Variants in SMYD3 observed in about 807,000 individuals in gnomAD.
SMYD3 encodes the protein SET and MYND domain containing 3.
A neutral mutation model predicts 57.7 loss-of-function variants in SMYD3; 36 were observed. That is an observed-to-expected ratio of 0.62 (90% CI 0.48 to 0.82). The LOEUF is 0.82. SMYD3 is among the 40% of genes least tolerant of loss of function. The pLI, the probability that SMYD3 is intolerant of heterozygous loss-of-function variation, is 0.00. For synonymous variants in SMYD3, 211 were observed against 195.0 expected (o/e 1.08, Z -0.68); for missense variants, 515 against 538.8 (o/e 0.96, Z 0.44).
chr1:246,286,522 T>C (rs1190440205), intron 5 of SMYD3, among the ~76,000 whole-genome samples: 1 of 152,214 alleles, frequency 6.6e-6, no homozygotes, highest in East Asian at 1.9e-4. Context: ...ATTAGTTCTG[T>C]ACTCAAACTC....
At chr1:245,939,305 A>C (rs867408146) in intron 5 of SMYD3, among the ~76,000 whole-genome samples, 10 of 152,210 alleles carry the variant, frequency 6.6e-5, no homozygotes, top group South Asian at 2.1e-4. Context: ...CTCTTGACTA[A>C]GAAAGCATTA....
intron 5 of SMYD3, among the ~76,000 whole-genome samples, chr1:246,037,380 C>G (rs1572926185): frequency 1.3e-5 from 2 of 152,134 alleles, no homozygotes; most frequent in South Asian, 4.1e-4. Context: ...AGCTGAGGAG[C>G]TTTTCATCTG....
chr1:245,850,881 G>A (rs941547682), intron 10 of SMYD3, among the ~76,000 whole-genome samples: 10 of 152,056 alleles, frequency 6.6e-5, no homozygotes, highest in African/African-American at 2.4e-4. Flanking sequence ...CCAGCTTTAC[G>A]CCAGTCACTC....
At chr1:245,918,365 T>G (rs918792971) in intron 7 of SMYD3, among the ~76,000 whole-genome samples, 1 of 152,198 alleles carries the variant, frequency 6.6e-6, no homozygotes, top group Middle Eastern at 3.2e-3. Flanking sequence ...CTTCTCATAC[T>G]TGGCAGGGAG....
chr1:246,147,795 G>A (rs1275187109), intron 5 of SMYD3, among the ~76,000 whole-genome samples: 2 of 152,226 alleles, frequency 1.3e-5, no homozygotes, highest in East Asian at 1.9e-4. Context: ...AATCGAGCAG[G>A]CAGGAGCCAG....
At chr1:245,968,091 G>A (rs1389457067) in intron 5 of SMYD3, among the ~76,000 whole-genome samples, 1 of 152,026 alleles carries the variant, frequency 6.6e-6, no homozygotes, top group Admixed American at 6.6e-5. Flanking sequence ...TTCTCTACTC[G>A]CTGACAGTTT....
chr1:246,498,730 CAAA>C (rs1247516323), intron 1 of SMYD3, among the ~76,000 whole-genome samples: 5 of 68,068 alleles, frequency 7.3e-5, no homozygotes, highest in Admixed American at 3.3e-4. Context: ...GACTCCGTCT[CAAA>C]AAAAAAAAAA....
At chr1:246,384,828 G>A (rs1270076695) in intron 1 of SMYD3, among the ~76,000 whole-genome samples, 1 of 152,094 alleles carries the variant, frequency 6.6e-6, no homozygotes, top group Non-Finnish European at 1.5e-5. Context: ...GACAACTAAG[G>A]TAGTTAACTG....
chr1:245,953,310 G>C, intron 5 of SMYD3: 1 of 997,150 alleles, frequency 1.0e-6, no homozygotes, highest in South Asian at 4.7e-5. Context: ...ACTCCAACTA[G>C]ACCAAAATCT....
At chr1:245,881,414 T>C (rs1248297307) in intron 8 of SMYD3, among the ~76,000 whole-genome samples, 1 of 152,236 alleles carries the variant, frequency 6.6e-6, no homozygotes, top group African/African-American at 2.4e-5. Context: ...AGGGCAAGAA[T>C]ATCCCTTCCT....
Position 246,211,045 on chromosome 1 carries a change from C to T in SMYD3, c.531+116156G>A, listed in dbSNP as rs563569499. ...CACCATTTTCCTGAAGATTGAGACACTGCTCCAAGGTATCATTTTCAAATA... is the reference window on the plus strand; with the variant it reads ...CACCATTTTCCTGAAGATTGAGACATTGCTCCAAGGTATCATTTTCAAATA... On this transcript the variant is annotated intron_variant, in intron 5 of 11. Transcript: ENST00000490107. Among the ~76,000 whole-genome samples the T allele has an allele frequency of 4.6e-5, 7 of 152,218 alleles. No individual in the cohort carries two copies. The South Asian group carries it at 1.5e-3, about 32-fold the overall frequency.
intron 5 of SMYD3, among the ~76,000 whole-genome samples, chr1:246,255,670 T>A (rs936509287): frequency 6.6e-6 from 1 of 152,028 alleles, no homozygotes; most frequent in African/African-American, 2.4e-5. Context: ...CAGGTTTTGG[T>A]ATGGAGGTAA....
chr1:246,244,620 T>C (rs1343116407), intron 5 of SMYD3, among the ~76,000 whole-genome samples: 2 of 152,200 alleles, frequency 1.3e-5, no homozygotes, highest in Non-Finnish European at 2.9e-5. Context: ...TGTCAGTCTG[T>C]TATGGCAGAT....
chr1:246,459,911 C>T (rs1041297750), intron 1 of SMYD3, among the ~76,000 whole-genome samples: 1 of 121,838 alleles, frequency 8.2e-6, no homozygotes, highest in Non-Finnish European at 1.7e-5. Flanking sequence ...GAAACCATTC[C>T]GCCACCCAAA....
At chr1:246,476,271 G>GTTAAA (rs2068029882) in intron 1 of SMYD3, among the ~76,000 whole-genome samples, 1 of 152,176 alleles carries the variant, frequency 6.6e-6, no homozygotes, top group Non-Finnish European at 1.5e-5. Context: ...AGATGCAGAG[G>GTTAAA]TTAAATTACT....
chr1:246,357,776 C>T (rs1385559711), intron 1 of SMYD3, among the ~76,000 whole-genome samples: 1 of 152,170 alleles, frequency 6.6e-6, no homozygotes, highest in East Asian at 1.9e-4. Flanking sequence ...GAATTCGCCA[C>T]TACCAAGCCA....
chr1:245,982,213 C>G (rs1366561189), intron 5 of SMYD3, among the ~76,000 whole-genome samples: 9 of 152,184 alleles, frequency 5.9e-5, no homozygotes, highest in African/African-American at 2.2e-4. Context: ...CAGCTCATTG[C>G]AGCCTCCACC....
At chr1:246,022,051 G>A (rs12128668) in intron 5 of SMYD3, among the ~76,000 whole-genome samples, 4,608 of 152,306 alleles carry the variant, frequency 0.03, 100 homozygotes, top group South Asian at 0.043. Flanking sequence ...GAGCACTGCT[G>A]AACACAGCCA....
intron 1 of SMYD3, among the ~76,000 whole-genome samples, chr1:246,449,843 GT>G (rs1319930973): frequency 1.3e-5 from 2 of 152,182 alleles, no homozygotes; most frequent in African/African-American, 4.8e-5. Context: ...GACGTTAGGT[GT>G]GGAAAGGTTT....
Sources: gnomAD v4.1 joint callset for allele counts (sites outside exome capture counted in the v4.1 genomes callset) on GRCh38, gnomAD v4.1.1 for gene constraint, MANE v1.5 for transcripts, NCBI Gene and HGNC (gene_info 2026-07-23, HGNC 2026-07-21) for gene names.